TMEM132D: variants seen among roughly 807,000 people sequenced by gnomAD.
TMEM132D encodes transmembrane protein 132D, also known as mature OL transmembrane protein.
In TMEM132D, 21 loss-of-function variants were observed where a neutral mutation model predicts 62.3. The observed-to-expected ratio is 0.34, with a 90% confidence interval of 0.24 to 0.49. The LOEUF is 0.49. Ranked by LOEUF, TMEM132D falls within the 20% of genes least tolerant of loss-of-function variation. TMEM132D has a pLI of 0.99. For missense variants in TMEM132D, 1,346 were observed against 1,402.8 expected (o/e 0.96, Z 0.65); for synonymous variants, 621 against 575.6 (o/e 1.08, Z -1.13).
chr12:129,074,729 C>G lies in TMEM132D; in HGVS notation c.2446G>C (p.Val816Leu), dbSNP rs771237249. 2 of 1,614,010 alleles carry G rather than the reference C, an allele frequency of 1.2e-6. No homozygotes were observed. The highest frequency in any genetic ancestry group is 8.5e-7 in the Non-Finnish European group (1 of 1,180,034). ...TSDSRHTGAG[V>L]HMENNVSDRR... ...TCACTGACATTGTTTTCCATGTGAA[C>G]CCCTGCCCCTGTGTGTCTGCTGTCA... Residue 816 changes from valine (V) to leucine (L), a missense_variant, in exon 9 of 9, where the codon GTT becomes CTT. Transcript: ENST00000422113.
chr12:129,341,669 G>A (rs1261475113), intron 3 of TMEM132D, among the ~76,000 whole-genome samples: 1 of 152,178 alleles, frequency 6.6e-6, no homozygotes, highest in African/African-American at 2.4e-5. Context: ...AATAGCTGGA[G>A]AAAAAAGACA....
chr12:129,574,795 G>C (rs971995026), intron 2 of TMEM132D, among the ~76,000 whole-genome samples: 1 of 151,752 alleles, frequency 6.6e-6, no homozygotes, highest in Non-Finnish European at 1.5e-5. Flanking sequence ...GCGCCCCTCA[G>C]TGTTCTCAGA....
At chr12:129,365,407 T>G (rs1870373700) in intron 3 of TMEM132D, among the ~76,000 whole-genome samples, 1 of 152,178 alleles carries the variant, frequency 6.6e-6, no homozygotes, top group Admixed American at 6.5e-5. Context: ...AAGAGAGAAT[T>G]TGTCTTAAGA....
At chr12:129,567,314 T>C (rs1183989799) in intron 2 of TMEM132D, among the ~76,000 whole-genome samples, 1 of 152,234 alleles carries the variant, frequency 6.6e-6, no homozygotes. Flanking sequence ...CATGATATTA[T>C]ACAATCACGT....
intron 5 of TMEM132D, among the ~76,000 whole-genome samples, chr12:129,132,614 G>T (rs907112633): frequency 6.6e-6 from 1 of 152,076 alleles, no homozygotes; most frequent in Non-Finnish European, 1.5e-5. Context: ...ACTCACCCTG[G>T]CAACTGGCCT....
chr12:129,576,461 T>C (rs1690026363), intron 2 of TMEM132D, among the ~76,000 whole-genome samples: 1 of 151,514 alleles, frequency 6.6e-6, no homozygotes, highest in Non-Finnish European at 1.5e-5. Context: ...TAGGTGTGTA[T>C]AAACATATAT....
chr12:129,475,186 A>T (rs887406451), intron 3 of TMEM132D, among the ~76,000 whole-genome samples: 4 of 152,242 alleles, frequency 2.6e-5, no homozygotes, highest in African/African-American at 9.6e-5. Flanking sequence ...GGAAAGTGAC[A>T]TGGAAATTGA....
rs549384312 is a variant in TMEM132D at position 129,471,804 on chromosome 12, C to T, written c.1115+59255G>A. On this transcript the variant is annotated intron_variant, in intron 3 of 8. Transcript: ENST00000422113. ...AATGATAAGAATGTGAAACAACCAA[C>T]CTTATTGCTGACTGGAAAAAGATTT... Among the ~76,000 whole-genome samples the T allele has an allele frequency of 2.0e-5, 3 of 152,256 alleles. No individual in the cohort carries two copies. The East Asian group carries it at 5.8e-4, about 29-fold the overall frequency.
chr12:129,230,322 C>T (rs1879604806), intron 4 of TMEM132D, among the ~76,000 whole-genome samples: 1 of 152,084 alleles, frequency 6.6e-6, no homozygotes, highest in South Asian at 2.1e-4. Flanking sequence ...GGGGGCTCCC[C>T]AGCCTGGCCA....
rs760401855 is a variant in TMEM132D, at chr12:129,284,417, ACT to A, written c.1299+53215_1299+53216del. 2.6e-5 allele frequency among the ~76,000 whole-genome samples: 4 copies of A among 152,202 alleles called. No homozygotes were observed. The East Asian group carries it at 7.7e-4, about 29-fold the overall frequency. On this transcript the variant is annotated intron_variant, in intron 4 of 8. Coordinates refer to ENST00000422113, the MANE Select transcript of TMEM132D (RefSeq NM_133448.3). ...CACTCAGTAATATTTAGCTAAAATA[ACT>A]CTTTAATTTCTAGTGATGTCTCTGA...
At chr12:129,589,899 T>C (rs1002859703) in intron 2 of TMEM132D, among the ~76,000 whole-genome samples, 8 of 152,192 alleles carry the variant, frequency 5.3e-5, no homozygotes, top group African/African-American at 1.2e-4. Context: ...ACTTTTATAG[T>C]ACATTTCTCT....
intron 2 of TMEM132D, among the ~76,000 whole-genome samples, chr12:129,687,466 C>T (rs1880960288): frequency 6.6e-6 from 1 of 151,966 alleles, no homozygotes; most frequent in Admixed American, 6.6e-5. Context: ...AGTTGTCCCA[C>T]ATTGGTGCTG....
intron 2 of TMEM132D, among the ~76,000 whole-genome samples, chr12:129,647,121 CATATATAT>C (rs34158444): frequency 2.7e-5 from 4 of 146,396 alleles, no homozygotes; most frequent in African/African-American, 1.0e-4. Flanking sequence ...TACATACATA[CATATATAT>C]ATATATATAT....
chr12:129,188,958 G>C (rs1334475060), intron 5 of TMEM132D, among the ~76,000 whole-genome samples: 1 of 152,144 alleles, frequency 6.6e-6, no homozygotes, highest in Non-Finnish European at 1.5e-5. Flanking sequence ...GAGTGGCTGA[G>C]ACCACCCACT....
chr12:129,180,240 C>T (rs1878027912), intron 5 of TMEM132D, among the ~76,000 whole-genome samples: 1 of 138,634 alleles, frequency 7.2e-6, no homozygotes, highest in Admixed American at 7.3e-5. Context: ...GAGGAGGAAG[C>T]AGTCTGCACT....
intron 4 of TMEM132D, among the ~76,000 whole-genome samples, chr12:129,328,877 C>A (rs1180289501): frequency 1.3e-5 from 2 of 152,086 alleles, no homozygotes; most frequent in East Asian, 1.9e-4. Context: ...TGGGGCCATT[C>A]TTCCAACTCT....
intron 4 of TMEM132D, among the ~76,000 whole-genome samples, chr12:129,286,791 T>C (rs1236923414): frequency 6.6e-6 from 1 of 152,178 alleles, no homozygotes; most frequent in Non-Finnish European, 1.5e-5. Context: ...CTTATGCCTG[T>C]AATCCCAGCA....
chr12:129,672,829 C>T (rs1411346891), intron 2 of TMEM132D, among the ~76,000 whole-genome samples: 1 of 152,180 alleles, frequency 6.6e-6, no homozygotes, highest in Non-Finnish European at 1.5e-5. Flanking sequence ...CTCACTGCAA[C>T]CTCTGCCTCC....
intron 2 of TMEM132D, among the ~76,000 whole-genome samples, chr12:129,597,067 G>A (rs186337524): frequency 1.8e-3 from 268 of 152,252 alleles, no homozygotes; most frequent in Non-Finnish European, 3.1e-3. Context: ...ATTTTTAAAG[G>A]GATTTCTTTC....
Sources: allele counts gnomAD v4.1 joint callset (sites outside exome capture counted in the v4.1 genomes callset), GRCh38; gene constraint gnomAD v4.1.1; transcripts MANE v1.5; gene names NCBI Gene and HGNC (gene_info 2026-07-23, HGNC 2026-07-21).